ADRA1B: variants seen among roughly 807,000 people sequenced by gnomAD.
ADRA1B encodes the protein adrenoceptor alpha 1B.
In ADRA1B, 17 loss-of-function variants were observed where a neutral mutation model predicts 17.9. That is an observed-to-expected ratio of 0.95 (90% CI 0.65 to 1.42). The LOEUF (loss-of-function observed/expected upper bound fraction) is 1.42, where lower values mean the gene tolerates loss of function less well. ADRA1B is among the 40% of genes most tolerant of loss of function. The probability of loss-of-function intolerance (pLI) is 0.00; values close to 1 mark genes in which losing one functional copy is unlikely to be tolerated. For missense variants in ADRA1B, 681 were observed against 722.1 expected, an observed-to-expected ratio of 0.94 and a Z score of 0.65; for synonymous variants, 366 against 327.6, an observed-to-expected ratio of 1.12 and a Z score of -1.27.
upstream of ADRA1B, among the ~76,000 whole-genome samples, chr5:159,915,968 C>T (rs1325435778): frequency 6.6e-6 from 1 of 152,206 alleles, no homozygotes; most frequent in African/African-American, 2.4e-5. Flanking sequence ...AATGCCTGAG[C>T]GAATGAAAGG....
At chr5:159,977,175 C>A (rs1327450389), downstream of ADRA1B, among the ~76,000 whole-genome samples, 1 of 152,100 alleles carries the variant, frequency 6.6e-6, no homozygotes, top group Non-Finnish European at 1.5e-5. Context: ...TTATTCCCAC[C>A]CCGCTAAATC....
chr5:159,933,930 A>G (rs72808199), intron 1 of ADRA1B, among the ~76,000 whole-genome samples: 9,876 of 152,254 alleles, frequency 0.065, 367 homozygotes, highest in East Asian at 0.14. Context: ...CCCCTACCCC[A>G]CCGTGGGGGC....
At chr5:159,884,129 T>G (rs1408683292) in intron 1 of ADRA1B, among the ~76,000 whole-genome samples, 2 of 152,126 alleles carry the variant, frequency 1.3e-5, no homozygotes, top group African/African-American at 4.8e-5. Flanking sequence ...ATCAAATCAA[T>G]TATGGATGTA....
At chr5:159,919,255 G>A (rs1028311685) in intron 1 of ADRA1B, among the ~76,000 whole-genome samples, 9 of 152,206 alleles carry the variant, frequency 5.9e-5, no homozygotes, top group South Asian at 2.1e-4. Flanking sequence ...CTCCCCAGGC[G>A]TGATCACATA....
chr5:159,929,952 G>A (rs1463622280), intron 1 of ADRA1B, among the ~76,000 whole-genome samples: 3 of 152,094 alleles, frequency 2.0e-5, no homozygotes, highest in South Asian at 4.1e-4. Flanking sequence ...TTTTCACTCT[G>A]TTTATTTTGA....
chr5:159,979,939 AGAG>A, the ADRA1B span, among the ~76,000 whole-genome samples: 4 of 151,960 alleles, frequency 2.6e-5, no homozygotes, highest in African/African-American at 4.8e-5. Context: ...ATGATGAGGA[AGAG>A]GAGAAGATGG....
intron 1 of ADRA1B, among the ~76,000 whole-genome samples, chr5:159,931,944 A>G (rs1426525703): frequency 6.6e-6 from 1 of 152,222 alleles, no homozygotes; most frequent in Non-Finnish European, 1.5e-5. Context: ...TTTGGGAGAC[A>G]CAAACATTCA....
chr5:159,972,063 C>A lies in ADRA1B; in HGVS notation c.1134C>A (p.Arg378=). ...GCGGCCGCCGCCGACGCCGCCGCCG[C>A]CGTCGCCTGGGCGGCTGCGCCTACA... ...RGRGRRRRRR[R]RRLGGCAYTY... The change falls in exon 2 of 2, where the codon CGC becomes CGA. Residue 378 remains arginine (R), a synonymous_variant. Coordinates refer to ENST00000306675, the MANE Select transcript of ADRA1B (RefSeq NM_000679.4). 7.6e-7 allele frequency: 1 copy of A among 1,313,270 alleles called. No individual in the cohort carries two copies. Among genetic ancestry groups the A allele is most frequent in the South Asian group, 2.5e-5 (1 of 40,326 alleles). The allele number at this position is 1,313,270 out of a possible 1,614,324, so 81.4% of individuals were successfully genotyped here. A position where few individuals can be genotyped will look rare whatever the true frequency, so the allele number is the denominator to read the frequency against.
chr5:159,980,656 T>A, the ADRA1B span, among the ~76,000 whole-genome samples: 1 of 152,052 alleles, frequency 6.6e-6, no homozygotes, highest in Non-Finnish European at 1.5e-5. Flanking sequence ...AATAATAGAA[T>A]CTTCTTCACA....
intron 1 of ADRA1B, among the ~76,000 whole-genome samples, chr5:159,957,056 G>C (rs1395336338): frequency 6.6e-6 from 1 of 152,052 alleles, no homozygotes; most frequent in Admixed American, 6.5e-5. Context: ...ATTTTTAGTA[G>C]AGATGGGGTT....
chr5:159,976,317 G>C (rs999118680), downstream of ADRA1B, among the ~76,000 whole-genome samples: 13 of 152,164 alleles, frequency 8.5e-5, no homozygotes, highest in Non-Finnish European at 2.9e-5. Flanking sequence ...TTAGGACTTA[G>C]GGTCCACCGT....
chr5:159,870,005 C>T (rs765041700), intron 1 of ADRA1B: 8 of 152,108 alleles, frequency 5.3e-5, no homozygotes, highest in Non-Finnish European at 1.2e-4. Flanking sequence ...ATCAATCCTA[C>T]GTTTCTTGAG....
rs1431185639 is a variant in ADRA1B at position 159,884,508 on chromosome 5, G to T, written c.-256+19302G>T. Among the ~76,000 whole-genome samples, 4 of 152,174 alleles carry T rather than the reference G, an allele frequency of 2.6e-5. No homozygotes were observed. The South Asian group carries it at 6.2e-4, about 24-fold the overall frequency. ...CACCATGAGATAATACAACAAGGAG[G>T]GCCTCACCAGATTCAGGCCCCTTGA... On this transcript the variant is annotated intron_variant, in intron 1 of 2. Coordinates refer to the ADRA1B transcript ENST00000641205.
rs116124655 is a variant in ADRA1B at position 159,945,683 on chromosome 5, A to G, written c.950-26196A>G. On this transcript the variant is annotated intron_variant, in intron 1 of 1. Transcript: ENST00000306675. ...TTAGCATTTTCTCTAAATGCTATTG[A>G]AAATCATGGGGGGGTTTTGGAAAGG... is the stretch of plus-strand genomic sequence containing the variant. Among the ~76,000 whole-genome samples, 672 of 152,162 alleles carry G rather than the reference A, an allele frequency of 4.4e-3. 9 individuals are homozygous for G. The highest frequency in any genetic ancestry group is 0.016 in the African/African-American group (653 of 41,538).
chr5:159,899,255 GAAGGAAGA>G lies in ADRA1B; in HGVS notation c.-255-16856_-255-16849del, dbSNP rs1310088187. 2.8e-4 allele frequency among the ~76,000 whole-genome samples: 38 copies of G among 136,654 alleles called. 1 individual carries two copies. Among genetic ancestry groups the G allele is most frequent in the African/African-American group, 7.8e-4 (29 of 37,244 alleles). The allele number at this position is 136,654 out of a possible 152,430, so 89.7% of individuals were successfully genotyped here. On this transcript the variant is annotated intron_variant, in intron 1 of 2. Coordinates refer to the ADRA1B transcript ENST00000641205. ...AGGAGGGAGGGAGGAAGGAAGGAAGGAAGGAAGAAAGGAAGGAAGGAAGGAAGGAAGGA... is the reference window on the plus strand; with the variant it reads ...AGGAGGGAGGGAGGAAGGAAGGAAGGAAGGAAGGAAGGAAGGAAGGAAGGA...
chr5:159,927,137 C>T (rs2113186859), intron 1 of ADRA1B, among the ~76,000 whole-genome samples: 1 of 152,182 alleles, frequency 6.6e-6, no homozygotes, highest in East Asian at 1.9e-4. Flanking sequence ...CATTCTTTAT[C>T]AAAAGGCTGC....
chr5:159,927,998 G>A (rs796983597), intron 1 of ADRA1B, among the ~76,000 whole-genome samples: 2 of 152,150 alleles, frequency 1.3e-5, no homozygotes, highest in South Asian at 2.1e-4. Flanking sequence ...TACTTGCCGC[G>A]ATGACATGAG....
At chr5:159,869,366 GC>G (rs1216110201) in intron 1 of ADRA1B, 1 of 152,184 alleles carries the variant, frequency 6.6e-6, no homozygotes, top group Non-Finnish European at 1.5e-5. Flanking sequence ...TCTTATCAGA[GC>G]TATATGAGAG....
At chr5:159,873,482 G>A (rs1753770358) in intron 1 of ADRA1B, among the ~76,000 whole-genome samples, 1 of 152,172 alleles carries the variant, frequency 6.6e-6, no homozygotes, top group African/African-American at 2.4e-5. Context: ...CCCAATCACT[G>A]ATAAAGGCTC....
Sources: allele counts gnomAD v4.1 joint callset (sites outside exome capture counted in the v4.1 genomes callset), GRCh38; gene constraint gnomAD v4.1.1; transcripts MANE v1.5; gene names NCBI Gene and HGNC (gene_info 2026-07-23, HGNC 2026-07-21).